The following DPYD variants were observed in gnomAD, a reference collection of about 807,000 sequenced individuals.
DPYD encodes dihydropyrimidine dehydrogenase.
A neutral mutation model predicts 116.2 loss-of-function variants in DPYD; 109 were observed. The ratio of observed to expected loss-of-function variants is 0.94; its 90% confidence interval spans 0.80 to 1.10. The LOEUF (loss-of-function observed/expected upper bound fraction) is 1.10. DPYD is among the 50% of genes least tolerant of loss of function. The pLI is 0.00. For missense variants in DPYD, 1,302 were observed against 1,254.5 expected, an observed-to-expected ratio of 1.04 and a Z score of -0.57; for synonymous variants, 440 against 432.0, an observed-to-expected ratio of 1.02 and a Z score of -0.23.
At chr1:97,487,563 C>T (rs1678717129) in intron 13 of DPYD, among the ~76,000 whole-genome samples, 1 of 152,120 alleles carries the variant, frequency 6.6e-6, no homozygotes, top group Admixed American at 6.5e-5. Context: ...GTCCCAGCTA[C>T]TCGGGAGGCT....
chr1:97,857,658 C>T (rs575791078), intron 2 of DPYD, among the ~76,000 whole-genome samples: 2 of 152,278 alleles, frequency 1.3e-5, no homozygotes, highest in East Asian at 3.9e-4. Context: ...ATCTCTTCAT[C>T]TGTATCCTTT....
At chr1:97,514,144 C>T in intron 13 of DPYD, 1 of 936,998 alleles carries the variant, frequency 1.1e-6, no homozygotes, top group Non-Finnish European at 1.3e-6. Flanking sequence ...AGATTAAATT[C>T]AAATTGGAGG....
chr1:97,099,023 T>A (rs751853400), intron 20 of DPYD, among the ~76,000 whole-genome samples: 20 of 152,160 alleles, frequency 1.3e-4, no homozygotes, highest in Non-Finnish European at 2.6e-4. Flanking sequence ...TTCCCCTTCA[T>A]CAGGTTTTTA....
chr1:97,171,038 A>T (rs1472485386), intron 20 of DPYD, among the ~76,000 whole-genome samples: 1 of 152,202 alleles, frequency 6.6e-6, no homozygotes, highest in African/African-American at 2.4e-5. Flanking sequence ...AGGCATTGGT[A>T]GGGAAAATAT....
chr1:97,911,309 G>GA (rs1673922462), intron 1 of DPYD, among the ~76,000 whole-genome samples: 1 of 151,958 alleles, frequency 6.6e-6, no homozygotes, highest in Non-Finnish European at 1.5e-5. Context: ...GAATGAAAGG[G>GA]GTGATGGGCA....
At chr1:97,414,178 A>C (rs1674164632) in intron 14 of DPYD, among the ~76,000 whole-genome samples, 7 of 152,202 alleles carry the variant, frequency 4.6e-5, no homozygotes, top group Admixed American at 3.9e-4. Context: ...ACAACTTGGA[A>C]GGAGACATAC....
chr1:97,760,515 T>C (rs190530415), intron 3 of DPYD, among the ~76,000 whole-genome samples: 55 of 152,246 alleles, frequency 3.6e-4, no homozygotes, highest in African/African-American at 1.3e-3. Flanking sequence ...GGTATATGAG[T>C]AATCTAGAGA....
chr1:97,589,866 C>T (rs937549625), intron 10 of DPYD, among the ~76,000 whole-genome samples: 2 of 152,092 alleles, frequency 1.3e-5, no homozygotes, highest in Non-Finnish European at 1.5e-5. Context: ...TGTCCCTGTC[C>T]CTCAATCTTC....
At chr1:97,467,080 A>C (rs1255799002) in intron 13 of DPYD, among the ~76,000 whole-genome samples, 1 of 152,222 alleles carries the variant, frequency 6.6e-6, no homozygotes, top group Non-Finnish European at 1.5e-5. Context: ...GCTTAAAACA[A>C]TAGCCAAGGA....
chr1:97,637,052 C>A (rs992640855), intron 8 of DPYD, among the ~76,000 whole-genome samples: 1 of 152,042 alleles, frequency 6.6e-6, no homozygotes, highest in Non-Finnish European at 1.5e-5. Context: ...GGAGCTTTCC[C>A]AATTTGACTA....
At chr1:97,480,291 G>A (rs1678226533) in intron 13 of DPYD, among the ~76,000 whole-genome samples, 1 of 152,104 alleles carries the variant, frequency 6.6e-6, no homozygotes, top group Non-Finnish European at 1.5e-5. Context: ...AGTAATTTGA[G>A]TACTCAGAAA....
intron 8 of DPYD, among the ~76,000 whole-genome samples, chr1:97,639,852 C>G (rs1405378897): frequency 2.0e-5 from 3 of 152,136 alleles, no homozygotes; most frequent in East Asian, 3.9e-4. Flanking sequence ...ATTAGATCCT[C>G]AAACGCATGT....
rs1374288370 is a variant in DPYD at position 97,202,449 on chromosome 1, T to A, written c.2443-9201A>T. ...CTGTGGTCATTCTTTAATTAATTTC[T>A]TAACCCAAGATCAGCTAAAGACAGA... On this transcript the variant is annotated intron_variant, in intron 19 of 22. Transcript: ENST00000370192. Among the ~76,000 whole-genome samples the A allele has an allele frequency of 4.6e-5, 7 of 152,290 alleles. 1 individual carries two copies. The East Asian group carries it at 1.4e-3, about 29-fold the overall frequency.
chr1:97,511,148 A>G (rs1227025101), intron 13 of DPYD, among the ~76,000 whole-genome samples: 1 of 151,992 alleles, frequency 6.6e-6, no homozygotes, highest in Non-Finnish European at 1.5e-5. Flanking sequence ...CCACATGACT[A>G]TAGTCAAATA....
chr1:97,650,257 C>T (rs2100839780), intron 8 of DPYD, among the ~76,000 whole-genome samples: 2 of 152,196 alleles, frequency 1.3e-5, no homozygotes, highest in African/African-American at 4.8e-5. Context: ...TCTTTACTGT[C>T]ATATTTCAAG....
intron 13 of DPYD, among the ~76,000 whole-genome samples, chr1:97,488,918 A>G (rs147266851): frequency 7.9e-5 from 12 of 152,266 alleles, no homozygotes; most frequent in African/African-American, 2.9e-4. Flanking sequence ...CACACTCTCT[A>G]TGGGGTAGCC....
intron 1 of DPYD, among the ~76,000 whole-genome samples, chr1:97,900,434 G>T (rs1233499145): frequency 6.6e-6 from 1 of 151,828 alleles, no homozygotes; most frequent in Admixed American, 6.6e-5. Context: ...AATCAACAAG[G>T]CAAAATATTC....
At chr1:97,375,261 C>A (rs1671548761) in intron 15 of DPYD, among the ~76,000 whole-genome samples, 1 of 152,124 alleles carries the variant, frequency 6.6e-6, no homozygotes, top group Non-Finnish European at 1.5e-5. Context: ...CCAGACCTTT[C>A]TTTAGGGCAA....
intron 13 of DPYD, among the ~76,000 whole-genome samples, chr1:97,473,790 T>C (rs1432825170): frequency 6.6e-6 from 1 of 152,102 alleles, no homozygotes; most frequent in Non-Finnish European, 1.5e-5. Flanking sequence ...GCGGATTGCT[T>C]GAGCCCAGTA....
Sources: gnomAD v4.1 joint callset for allele counts (sites outside exome capture counted in the v4.1 genomes callset) on GRCh38, gnomAD v4.1.1 for gene constraint, MANE v1.5 for transcripts, NCBI Gene and HGNC (gene_info 2026-07-23, HGNC 2026-07-21) for gene names.